Variants in CELF2 observed in about 807,000 individuals in gnomAD.
CELF2 encodes CUGBP Elav-like family member 2, also known as CUG triplet repeat RNA-binding protein 2.
Under a neutral mutation model 62.6 loss-of-function variants are expected in CELF2, and 8 were observed. The ratio of observed to expected loss-of-function variants is 0.13; its 90% CI spans 0.07 to 0.23. The LOEUF (loss-of-function observed/expected upper bound fraction) is 0.23. CELF2 is among the 10% of genes least tolerant of loss of function. The pLI, the probability that CELF2 is intolerant of heterozygous loss-of-function variation, is 1.00. For missense variants in CELF2, 333 were observed against 671.0 expected (o/e 0.50, Z 5.56); for synonymous variants, 258 against 250.0 (o/e 1.03, Z -0.30).
the CELF2 span, among the ~76,000 whole-genome samples, chr10:10,774,444 G>C: frequency 6.6e-6 from 1 of 152,156 alleles, no homozygotes; most frequent in East Asian, 1.9e-4. Flanking sequence ...TCATGGGGGT[G>C]GATCCTTCAT....
At chr10:10,739,152 A>G in the CELF2 span, among the ~76,000 whole-genome samples, 1 of 152,196 alleles carries the variant, frequency 6.6e-6, no homozygotes, top group Non-Finnish European at 1.5e-5. Context: ...GATAACAAAA[A>G]TGATATATGT....
chr10:10,971,996 A>G (rs1054185669), intron 2 of CELF2, among the ~76,000 whole-genome samples: 5 of 152,230 alleles, frequency 3.3e-5, no homozygotes, highest in African/African-American at 1.2e-4. Flanking sequence ...ATACACATAT[A>G]CCATCCTCAT....
intron 1 of CELF2, among the ~76,000 whole-genome samples, chr10:11,081,345 CT>C (rs1490710007): frequency 1.3e-5 from 2 of 152,166 alleles, no homozygotes; most frequent in Non-Finnish European, 2.9e-5. Flanking sequence ...AAATCTCAGT[CT>C]CATAATTGAA....
chr10:11,083,882 C>G (rs1039465911), intron 1 of CELF2, among the ~76,000 whole-genome samples: 4 of 152,160 alleles, frequency 2.6e-5, no homozygotes, highest in South Asian at 2.1e-4. Context: ...GAAACCAAGG[C>G]TGACATGTAC....
the CELF2 span, among the ~76,000 whole-genome samples, chr10:10,546,006 T>G: frequency 3.3e-5 from 5 of 152,086 alleles, no homozygotes; most frequent in African/African-American, 1.2e-4. Flanking sequence ...AGGAGAGAGG[T>G]TCAGAGAACA....
At chr10:11,055,000 C>G (rs1287050409) in intron 1 of CELF2, among the ~76,000 whole-genome samples, 2 of 152,240 alleles carry the variant, frequency 1.3e-5, no homozygotes, top group African/African-American at 2.4e-5. Context: ...CAGGCTTGCG[C>G]CACCGCACCC....
intron 2 of CELF2, among the ~76,000 whole-genome samples, chr10:11,174,642 CA>C (rs2070328970): frequency 6.6e-6 from 1 of 152,178 alleles, no homozygotes; most frequent in South Asian, 2.1e-4. Context: ...TTAACTGACC[CA>C]CCATCTGATC....
intron 1 of CELF2, among the ~76,000 whole-genome samples, chr10:10,900,197 T>G (rs1212352721): frequency 6.6e-6 from 1 of 152,024 alleles, no homozygotes; most frequent in Non-Finnish European, 1.5e-5. Flanking sequence ...TTCAGAAAAC[T>G]AAAAAGAGGG....
chr10:11,285,975 A>G lies in CELF2; in HGVS notation c.842-2443A>G, dbSNP rs1257058185. ...CAAGAAATACATATAAATAATGTCA[A>G]CATAGGGTATGATGAGAGCCACGAA... On this transcript the variant is annotated intron_variant, in intron 8 of 12. Transcript: ENST00000633077. The surrounding 1 kb of genome is among the most constrained non-coding windows in gnomAD (Gnocchi z 4.3). 3.3e-5 allele frequency among the ~76,000 whole-genome samples: 5 copies of G among 152,184 alleles called. No homozygotes were observed. The highest frequency in any genetic ancestry group is 4.8e-5 in the African/African-American group (2 of 41,442).
intron 2 of CELF2, chr10:10,970,812 C>T (rs1466229554): frequency 6.6e-6 from 1 of 151,948 alleles, no homozygotes; most frequent in Non-Finnish European, 1.5e-5. Context: ...TTCAATTCAC[C>T]AAAAGTAGAC....
At chr10:11,233,517 A>G (rs1382318804) in intron 3 of CELF2, among the ~76,000 whole-genome samples, 1 of 152,220 alleles carries the variant, frequency 6.6e-6, no homozygotes, top group East Asian at 1.9e-4. Flanking sequence ...GCTAAACCCC[A>G]GACTTAGATA....
intron 5 of CELF2, among the ~76,000 whole-genome samples, chr10:11,261,816 A>C (rs979591105): frequency 2.0e-5 from 3 of 152,244 alleles, no homozygotes; most frequent in African/African-American, 7.2e-5. Context: ...CCATGGGCCC[A>C]CATGTGGCAA....
chr10:10,616,461 G>T, the CELF2 span, among the ~76,000 whole-genome samples: 2 of 151,984 alleles, frequency 1.3e-5, no homozygotes, highest in African/African-American at 2.4e-5. Context: ...TTATATGAAG[G>T]TTGTGTCCAG....
the CELF2 span, among the ~76,000 whole-genome samples, chr10:10,482,176 C>T: frequency 8.5e-5 from 13 of 152,206 alleles, no homozygotes; most frequent in African/African-American, 3.1e-4. Context: ...TGTATTCATG[C>T]ATTTCATTGC....
rs192653173 is a variant in CELF2, at chr10:11,207,582, C to T, written c.272-9843C>T. Among the ~76,000 whole-genome samples, 515 of 152,352 alleles carry T rather than the reference C, an allele frequency of 3.4e-3. 3 individuals are homozygous for T. The highest frequency in any genetic ancestry group is 4.4e-3 in the Non-Finnish European group (301 of 68,024). ...TGGAGCATCGCACGACTGCCTCAGG[C>T]GGCCAGAGGGCGGTGCGGGTCCCAC... On this transcript the variant is annotated intron_variant, in intron 2 of 12. Coordinates refer to ENST00000633077, the MANE Select transcript of CELF2 (RefSeq NM_001326342.2). This position sits in a 1 kb window ranked among gnomAD's most constrained non-coding sequence, Gnocchi z 4.1.
At chr10:10,592,790 G>A in the CELF2 span, among the ~76,000 whole-genome samples, 2 of 152,232 alleles carry the variant, frequency 1.3e-5, no homozygotes, top group Non-Finnish European at 2.9e-5. Flanking sequence ...GGGGGTAAAA[G>A]GGAAGAAAGC....
the CELF2 span, among the ~76,000 whole-genome samples, chr10:10,510,016 G>T: frequency 6.6e-6 from 1 of 152,234 alleles, no homozygotes; most frequent in African/African-American, 2.4e-5. Context: ...CCATGGCTGG[G>T]AGGGATTCTG....
the CELF2 span, among the ~76,000 whole-genome samples, chr10:10,524,654 G>A: frequency 6.6e-6 from 1 of 151,962 alleles, no homozygotes; most frequent in Non-Finnish European, 1.5e-5. Context: ...TCAAGAATGG[G>A]TAAGCATTTT....
At chr10:11,023,018 A>T (rs2058588876) in intron 1 of CELF2, among the ~76,000 whole-genome samples, 1 of 152,234 alleles carries the variant, frequency 6.6e-6, no homozygotes, top group Admixed American at 6.5e-5. Flanking sequence ...TCAATGCTGC[A>T]CTTTACCCAA....
Sources: gnomAD v4.1 joint callset for allele counts (sites outside exome capture counted in the v4.1 genomes callset) on GRCh38, gnomAD v4.1.1 for gene constraint, Gnocchi (gnomAD v3.1) non-coding constraint, MANE v1.5 for transcripts, NCBI Gene and HGNC (gene_info 2026-07-23, HGNC 2026-07-21) for gene names.